RALGPS2: variants seen among roughly 807,000 people sequenced by gnomAD.
RALGPS2 encodes ras-specific guanine nucleotide-releasing factor RalGPS2.
In RALGPS2, 43 loss-of-function variants were observed where a neutral mutation model predicts 86.8. That is an observed-to-expected ratio of 0.50 (90% confidence interval 0.39 to 0.64). The LOEUF is 0.64. RALGPS2 is among the 30% of genes least tolerant of loss of function. The probability of loss-of-function intolerance (pLI) is 0.00; values close to 1 mark genes in which losing one functional copy is unlikely to be tolerated. For missense variants in RALGPS2, 536 were observed against 694.6 expected, an observed-to-expected ratio of 0.77 and a Z score of 2.57; for synonymous variants, 243 against 231.3, an observed-to-expected ratio of 1.05 and a Z score of -0.46.
At chr1:178,852,636 C>A in intron 8 of RALGPS2, 1 of 1,547,920 alleles carries the variant, frequency 6.5e-7, no homozygotes, top group Non-Finnish European at 8.8e-7. Context: ...CTATTTAATG[C>A]ATAGAAGGTG....
chr1:178,757,353 G>A (rs1652006800), intron 1 of RALGPS2, among the ~76,000 whole-genome samples: 1 of 152,026 alleles, frequency 6.6e-6, no homozygotes, highest in Non-Finnish European at 1.5e-5. Flanking sequence ...GTGAGAGTGG[G>A]CATCCTTGTC....
chr1:178,790,242 C>T (rs1053125053), intron 4 of RALGPS2, among the ~76,000 whole-genome samples: 5 of 152,224 alleles, frequency 3.3e-5, no homozygotes, highest in East Asian at 3.9e-4. Context: ...TGAGCCACTG[C>T]GCCCAGCCAA....
Position 178,773,414 on chromosome 1 carries a change from A to G in RALGPS2, c.-83-3268A>G, listed in dbSNP as rs1208945894. Among the ~76,000 whole-genome samples, 19 of 152,196 alleles carry G rather than the reference A, an allele frequency of 1.2e-4. 1 individual carries two copies. Among genetic ancestry groups the G allele is most frequent in the Admixed American group, 1.2e-3 (19 of 15,286 alleles). On this transcript the variant is annotated intron_variant, in intron 1 of 19. Coordinates refer to ENST00000367635, the MANE Select transcript of RALGPS2 (RefSeq NM_152663.5). ...GTCATTTATAACACAAAGAAAAGTA[A>G]ATAAAATATTAAAGCATATATTTGG... is the stretch of plus-strand genomic sequence containing the variant.
At chr1:178,743,830 T>A (rs1651163107) in intron 1 of RALGPS2, among the ~76,000 whole-genome samples, 1 of 152,128 alleles carries the variant, frequency 6.6e-6, no homozygotes, top group African/African-American at 2.4e-5. Flanking sequence ...CCTGTATCTG[T>A]TAAAGAAATT....
At chr1:178,727,142 A>T (rs532264953) in intron 1 of RALGPS2, among the ~76,000 whole-genome samples, 1 of 152,306 alleles carries the variant, frequency 6.6e-6, no homozygotes, top group African/African-American at 2.4e-5. Context: ...ATTTCAGTGT[A>T]TTTATTTTAA....
At position 178,918,528 on chromosome 1, in the gene RALGPS2, A is replaced by G. The variant is rs537759769; in HGVS notation, c.*2169A>G. 1.2e-4 allele frequency: 19 copies of G among 152,248 alleles called. No homozygotes were observed. Among genetic ancestry groups the G allele is most frequent in the African/African-American group, 3.8e-4 (16 of 41,578 alleles). The allele number at this position is 152,248 out of a possible 1,614,324, so 9.4% of individuals were successfully genotyped here. On this transcript the variant is annotated 3_prime_UTR_variant, in exon 20 of 20. Coordinates refer to ENST00000367635, the MANE Select transcript of RALGPS2 (RefSeq NM_152663.5). Reference sequence around the variant, plus strand: ...GCCAAAGGGAGAGAGCTAAGCTGGAAGATGTTTTTGATACTTTCGGCTCTA... The same window carrying G: ...GCCAAAGGGAGAGAGCTAAGCTGGAGGATGTTTTTGATACTTTCGGCTCTA...
chr1:178,743,815 A>G (rs1490260067), intron 1 of RALGPS2, among the ~76,000 whole-genome samples: 1 of 152,202 alleles, frequency 6.6e-6, no homozygotes, highest in African/African-American at 2.4e-5. Flanking sequence ...ACAACCTGAA[A>G]TAACCCTGTA....
In RALGPS2 at chr1:178,816,997, C is replaced by T. The variant is rs369172977; in HGVS notation, c.388-4615C>T. On this transcript the variant is annotated intron_variant, in intron 6 of 19. Coordinates refer to ENST00000367635, the MANE Select transcript of RALGPS2 (RefSeq NM_152663.5). The stretch of plus-strand genomic sequence containing the variant: ...TCCTGGGATTACAGGTGTGAGCCAC[C>T]GCACCCAGCCAAATTAATTTTTGTG... 4.6e-5 allele frequency among the ~76,000 whole-genome samples: 7 copies of T among 151,942 alleles called. No homozygotes were observed. In the East Asian group the frequency reaches 9.7e-4, roughly 21 times the overall value.
chr1:178,736,402 TC>T (rs1650705905), intron 1 of RALGPS2, among the ~76,000 whole-genome samples: 1 of 152,042 alleles, frequency 6.6e-6, no homozygotes, highest in Non-Finnish European at 1.5e-5. Flanking sequence ...CCTCAAGTGA[TC>T]CAGCCACCTC....
chr1:178,878,241 A>C (rs765933640), intron 9 of RALGPS2, among the ~76,000 whole-genome samples: 7 of 152,136 alleles, frequency 4.6e-5, no homozygotes, highest in Admixed American at 1.3e-4. Flanking sequence ...TTAATGTTTA[A>C]ATACTTCCAG....
chr1:178,743,444 AT>A (rs1412592568), intron 1 of RALGPS2, among the ~76,000 whole-genome samples: 2 of 152,218 alleles, frequency 1.3e-5, no homozygotes, highest in African/African-American at 4.8e-5. Flanking sequence ...AATGAAAATG[AT>A]TTTGATGTAA....
chr1:178,738,789 G>A (rs1650863454), intron 1 of RALGPS2, among the ~76,000 whole-genome samples: 1 of 152,094 alleles, frequency 6.6e-6, no homozygotes, highest in African/African-American at 2.4e-5. Flanking sequence ...ATCATTGTAA[G>A]GATTTCTTTT....
chr1:178,906,206 C>T (rs372719172), intron 18 of RALGPS2, among the ~76,000 whole-genome samples: 2 of 152,050 alleles, frequency 1.3e-5, no homozygotes, highest in South Asian at 4.1e-4. Flanking sequence ...AACCCCGTCT[C>T]TACTAAAAAT....
In RALGPS2 at chr1:178,869,101, A is replaced by G. The variant is rs868154468; in HGVS notation, c.608-8397A>G. 7.9e-5 allele frequency: 12 copies of G among 152,216 alleles called. No homozygotes were observed. In the South Asian group the frequency reaches 2.1e-3, roughly 26 times the overall value. 9.4% of individuals were successfully genotyped at this position (152,216 alleles called of 1,614,324 possible). ...CCCAAGAGAATGTTATAAATTAGTT[A>G]TAGAATACTTACGTTTAAATTTAAG... On this transcript the variant is annotated intron_variant, in intron 8 of 19. Coordinates refer to ENST00000367635, the MANE Select transcript of RALGPS2 (RefSeq NM_152663.5).
chr1:178,838,502 C>T (rs1656401326), intron 8 of RALGPS2, among the ~76,000 whole-genome samples: 1 of 152,170 alleles, frequency 6.6e-6, no homozygotes, highest in Non-Finnish European at 1.5e-5. Flanking sequence ...AGGACATCCA[C>T]ACCAAAACCC....
In RALGPS2 at chr1:178,833,353, CTTCAG is replaced by C. The variant is rs1243843585; in HGVS notation, c.481-65_481-61del. The C allele has an allele frequency of 2.8e-5, 37 of 1,337,176 alleles. No homozygotes were observed. The African/African-American group carries it at 3.5e-4, about 13-fold the overall frequency. 82.8% of individuals were successfully genotyped at this position (1,337,176 alleles called of 1,614,324 possible). ...AAATCCATATTCACAGTAAATACAA[CTTCAG>C]TTCAGGTCTTTGCTACAATAAAATG... is the stretch of plus-strand genomic sequence containing the variant. On this transcript the variant is annotated intron_variant, in intron 7 of 19. Coordinates refer to ENST00000367635, the MANE Select transcript of RALGPS2 (RefSeq NM_152663.5).
intron 8 of RALGPS2, among the ~76,000 whole-genome samples, chr1:178,869,489 T>G (rs939054188): frequency 5.3e-5 from 8 of 152,224 alleles, no homozygotes; most frequent in South Asian, 2.1e-4. Context: ...ATTAAATGCC[T>G]GCCTTAAGAC....
chr1:178,824,324 T>G (rs1655645310), intron 7 of RALGPS2, among the ~76,000 whole-genome samples: 1 of 152,154 alleles, frequency 6.6e-6, no homozygotes. Flanking sequence ...TGGAAGGGAA[T>G]GTGGGACCAA....
chr1:178,829,234 T>C (rs1168476516), intron 7 of RALGPS2, among the ~76,000 whole-genome samples: 1 of 152,120 alleles, frequency 6.6e-6, no homozygotes, highest in Non-Finnish European at 1.5e-5. Context: ...AGTAGAAGGA[T>C]GGTTGCTGAG....
Sources: gnomAD v4.1 joint callset for allele counts (sites outside exome capture counted in the v4.1 genomes callset) on GRCh38, gnomAD v4.1.1 for gene constraint, MANE v1.5 for transcripts, NCBI Gene and HGNC (gene_info 2026-07-23, HGNC 2026-07-21) for gene names.